The following NMNAT1 variants were observed in gnomAD, a reference collection of about 807,000 sequenced individuals.
The protein encoded by NMNAT1 is nicotinamide/nicotinic acid mononucleotide adenylyltransferase 1.
Under a neutral mutation model 16.7 loss-of-function variants are expected in NMNAT1, and 11 were observed. That is an observed-to-expected ratio of 0.66 (90% CI 0.41 to 1.09). The LOEUF is 1.09. Among genes scored for constraint, NMNAT1 ranks in the 50% least tolerant of loss-of-function variants. NMNAT1 has a pLI of 0.00. For synonymous variants in NMNAT1, 110 were observed against 119.8 expected (o/e 0.92, Z 0.53); for missense variants, 280 against 332.3 (o/e 0.84, Z 1.22).
intron 1 of NMNAT1, among the ~76,000 whole-genome samples, chr1:9,967,843 G>A (rs1641586138): frequency 6.6e-6 from 1 of 151,904 alleles, no homozygotes; most frequent in Non-Finnish European, 1.5e-5. Flanking sequence ...CAATTAGCCA[G>A]TGCATGCCTG....
chr1:9,996,410 A>G, the NMNAT1 span, among the ~76,000 whole-genome samples: 1 of 152,172 alleles, frequency 6.6e-6, no homozygotes, highest in South Asian at 2.1e-4. Context: ...CAGCATATCT[A>G]GGCGGTGTTT....
intron 1 of NMNAT1, among the ~76,000 whole-genome samples, chr1:9,958,686 C>T (rs918662784): frequency 6.6e-6 from 1 of 152,084 alleles, no homozygotes; most frequent in Non-Finnish European, 1.5e-5. Flanking sequence ...GATCCGCCCA[C>T]CTCTGTCTCC....
intron 1 of NMNAT1, among the ~76,000 whole-genome samples, chr1:9,960,031 T>C (rs557104883): frequency 1.4e-4 from 21 of 152,344 alleles, no homozygotes; most frequent in Admixed American, 1.2e-3. Flanking sequence ...TACTTAACTC[T>C]TAGCCAACAC....
In NMNAT1 at chr1:9,945,813, A is replaced by G. The variant is rs566095522; in HGVS notation, c.-57+2298A>G. Among the ~76,000 whole-genome samples the G allele has an allele frequency of 1.6e-3, 245 of 152,310 alleles. 2 individuals are homozygous for G. The highest frequency in any genetic ancestry group is 1.6e-3 in the Non-Finnish European group (111 of 68,032). On this transcript the variant is annotated intron_variant, in intron 1 of 4. Coordinates refer to ENST00000377205, the MANE Select transcript of NMNAT1 (RefSeq NM_022787.4). ...CTGTCACCCAGACTGGAGTACAGTG[A>G]CACGAGCACGGCTCACTGCAGCCTT...
intron 1 of NMNAT1, among the ~76,000 whole-genome samples, chr1:9,961,762 A>G (rs1314108067): frequency 2.6e-5 from 4 of 152,000 alleles, no homozygotes; most frequent in African/African-American, 9.7e-5. Context: ...TTCTTTCGAG[A>G]AGGCCCCAAG....
chr1:9,976,061 T>G (rs1426468056), intron 3 of NMNAT1, among the ~76,000 whole-genome samples: 1 of 151,582 alleles, frequency 6.6e-6, no homozygotes, highest in Non-Finnish European at 1.5e-5. Flanking sequence ...CTGAGGCGGG[T>G]GGATCAGCTG....
chr1:9,965,315 CAA>C (rs1183019689), intron 1 of NMNAT1, among the ~76,000 whole-genome samples: 12 of 51,398 alleles, frequency 2.3e-4, no homozygotes, highest in Admixed American at 4.1e-4. Context: ...GACTCCATCT[CAA>C]AAAAAAAAAA....
At chr1:9,966,058 G>A (rs1350506483) in intron 1 of NMNAT1, among the ~76,000 whole-genome samples, 3 of 151,976 alleles carry the variant, frequency 2.0e-5, no homozygotes, top group Non-Finnish European at 2.9e-5. Context: ...CAACACTTCG[G>A]GAGGCTGAAG....
At chr1:9,991,579 T>TC in the NMNAT1 span, among the ~76,000 whole-genome samples, 4 of 152,172 alleles carry the variant, frequency 2.6e-5, no homozygotes, top group African/African-American at 4.8e-5. Flanking sequence ...GAAAAGGTCA[T>TC]AGCCAGTCAG....
downstream of NMNAT1, among the ~76,000 whole-genome samples, chr1:9,988,904 A>G (rs1642077708): frequency 6.6e-6 from 1 of 151,694 alleles, no homozygotes; most frequent in South Asian, 2.1e-4. Flanking sequence ...TGATTCTCCC[A>G]CTTCTGCCCC....
rs1186486369 is a variant in NMNAT1, at chr1:9,952,880, C to A, written c.-57+9365C>A. Among the ~76,000 whole-genome samples, 3 of 152,042 alleles carry A rather than the reference C, an allele frequency of 2.0e-5. No individual in the cohort carries two copies. The East Asian group carries it at 5.8e-4, about 29-fold the overall frequency. ...CACCACGCTCGGCTAGAAACAGATT[C>A]TTGAATGCAAACCTAAATGCAATTT... On this transcript the variant is annotated intron_variant, in intron 1 of 4. Transcript: ENST00000377205.
In NMNAT1 at chr1:9,984,008, TGG is replaced by T. The variant is rs1037463956; in HGVS notation, c.*1310_*1311del. 2 of 152,166 alleles carry T rather than the reference TGG, an allele frequency of 1.3e-5. No homozygotes were observed. The highest frequency in any genetic ancestry group is 4.8e-5 in the African/African-American group (2 of 41,438). The allele number at this position is 152,166 out of a possible 1,614,324, so 9.4% of individuals were successfully genotyped here. On this transcript the variant is annotated 3_prime_UTR_variant, in exon 5 of 5. Transcript: ENST00000377205. ...TCAGGACCTCACTGGACAAGGCATG[TGG>T]GGACCCTTGCAGGAGCCCTGGTAAG...
Position 9,982,617 on chromosome 1 carries a change from T to C in NMNAT1, c.756T>C (p.Asn252=). 13 of 1,614,116 alleles carry C rather than the reference T, an allele frequency of 8.1e-6. No individual in the cohort carries two copies. The highest frequency in any genetic ancestry group is 1.1e-5 in the Non-Finnish European group (13 of 1,180,022). ...TCCAAGAATACATTGAAAAGCATAATTTGTACAGCTCTGAGAGTGAAGACA... is the reference window on the plus strand; with the variant it reads ...TCCAAGAATACATTGAAAAGCATAACTTGTACAGCTCTGAGAGTGAAGACA... ...DLVQEYIEKH[N]LYSSESEDRN... is the part of the protein sequence containing the mutation. The change falls in exon 5 of 5, where the codon AAT becomes AAC. Residue 252 remains asparagine (N), a synonymous_variant. Coordinates refer to ENST00000377205, the MANE Select transcript of NMNAT1 (RefSeq NM_022787.4).
chr1:9,966,503 C>T lies in NMNAT1; in HGVS notation c.-56-5515C>T, dbSNP rs565165274. Among the ~76,000 whole-genome samples, 3 of 151,780 alleles carry T rather than the reference C, an allele frequency of 2.0e-5. No homozygotes were observed. In the East Asian group the frequency reaches 5.8e-4, roughly 30 times the overall value. ...TGGCAGGCACCTGTATTCTTAGCTA[C>T]TCAGGAGGCTGAGGCAGGAGAATCG... On this transcript the variant is annotated intron_variant, in intron 1 of 4. Coordinates refer to ENST00000377205, the MANE Select transcript of NMNAT1 (RefSeq NM_022787.4).
At chr1:9,980,678 A>C (rs994087093) in intron 3 of NMNAT1, among the ~76,000 whole-genome samples, 1 of 151,080 alleles carries the variant, frequency 6.6e-6, no homozygotes, top group Non-Finnish European at 1.5e-5. Context: ...TTTTTTTGAG[A>C]TGGAGTCTCA....
At chr1:9,948,038 C>T (rs1557454262) in intron 1 of NMNAT1, among the ~76,000 whole-genome samples, 1 of 152,130 alleles carries the variant, frequency 6.6e-6, no homozygotes, top group Non-Finnish European at 1.5e-5. Context: ...GAATTTCATT[C>T]TTATTGTGTG....
At chr1:9,989,765 A>G (rs1481267348), downstream of NMNAT1, among the ~76,000 whole-genome samples, 1 of 152,272 alleles carries the variant, frequency 6.6e-6, no homozygotes, top group African/African-American at 2.4e-5. Flanking sequence ...GGGTACCACA[A>G]GTGCGGGTAC....
intron 1 of NMNAT1, among the ~76,000 whole-genome samples, chr1:9,961,083 G>C (rs574779332): frequency 6.6e-6 from 1 of 152,282 alleles, no homozygotes; most frequent in African/African-American, 2.4e-5. Flanking sequence ...TAGTGGAACT[G>C]TGAGCTGGAT....
upstream of NMNAT1, chr1:9,942,995 G>A: frequency 2.9e-6 from 1 of 342,000 alleles, no homozygotes; most frequent in South Asian, 2.3e-5. Context: ...ACGCCTTGAG[G>A]GATGGCGTCA....
Sources: gnomAD v4.1 joint callset for allele counts (sites outside exome capture counted in the v4.1 genomes callset) on GRCh38, gnomAD v4.1.1 for gene constraint, MANE v1.5 for transcripts, NCBI Gene and HGNC (gene_info 2026-07-23, HGNC 2026-07-21) for gene names.